The following RELN variants were observed in gnomAD, a reference collection of about 807,000 sequenced individuals.
RELN encodes the protein reelin.
RELN carries 108 observed loss-of-function variants against 427.6 expected under a neutral mutation model. The observed-to-expected ratio is 0.25, with a 90% confidence interval of 0.22 to 0.30. RELN has a LOEUF of 0.30. Among genes scored for constraint, RELN ranks in the 10% least tolerant of loss-of-function variants. The pLI, the probability that RELN is intolerant of heterozygous loss-of-function variation, is 1.00. For synonymous variants in RELN, 1,524 were observed against 1,513.4 expected (o/e 1.01, Z -0.16); for missense variants, 3,715 against 4,302.8 (o/e 0.86, Z 3.82).
At chr7:103,908,869 T>G (rs1001120797) in intron 2 of RELN, among the ~76,000 whole-genome samples, 1 of 140,778 alleles carries the variant, frequency 7.1e-6, no homozygotes, top group South Asian at 2.4e-4. Context: ...CTCTGCTCTT[T>G]GTACATTGGC....
At chr7:103,540,172 A>T (rs764518460) in intron 44 of RELN, 25 bp downstream of exon 44, 5 of 1,613,932 alleles carry the variant, frequency 3.1e-6, no homozygotes, top group East Asian at 2.2e-5. Context: ...CGACAATTAA[A>T]ATAGTTAATC....
chr7:103,642,131 T>A (rs1832706229), intron 16 of RELN, among the ~76,000 whole-genome samples: 1 of 152,244 alleles, frequency 6.6e-6, no homozygotes, highest in African/African-American at 2.4e-5. Flanking sequence ...TGAAAAAATT[T>A]TTAAAATGAC....
chr7:103,739,603 G>T (rs181937633), intron 6 of RELN, among the ~76,000 whole-genome samples: 1 of 152,336 alleles, frequency 6.6e-6, no homozygotes, highest in East Asian at 1.9e-4. Context: ...AGGGTAAAGT[G>T]CAGAAGCTTC....
rs748155144 is a variant in RELN at position 103,565,447 on chromosome 7, T to C, written c.5041A>G (p.Ser1681Gly). ...TTCAGAGAATACTGGAGCTGTACAC[T>C]GTGGGAGTTGCTGAAGGGCTTGCTA... ...GCSKPFSNSH[S>G]VQLQYSLNNG... Residue 1681 changes from serine (S) to glycine (G), a missense_variant, in exon 34 of 65, where the codon AGT becomes GGT. This residue lies in a region of RELN where 2,208 missense variants were observed against 2,361.7 expected (regional missense o/e 0.93). Transcript: ENST00000428762. The C allele has an allele frequency of 2.5e-6, 4 of 1,613,862 alleles. No individual in the cohort carries two copies. Among genetic ancestry groups the C allele is most frequent in the Admixed American group, 1.7e-5 (1 of 59,954 alleles).
At chr7:103,810,234 T>C (rs1038208804) in intron 3 of RELN, among the ~76,000 whole-genome samples, 6 of 152,152 alleles carry the variant, frequency 3.9e-5, no homozygotes, top group African/African-American at 1.4e-4. Context: ...CGTCTTCTGC[T>C]TTCATGCGTG....
At chr7:103,671,276 G>A (rs1040495973) in intron 11 of RELN, among the ~76,000 whole-genome samples, 3 of 152,094 alleles carry the variant, frequency 2.0e-5, no homozygotes, top group Admixed American at 2.0e-4. Flanking sequence ...TCAATTTGAA[G>A]CCTTCCCTGA....
intron 1 of RELN, among the ~76,000 whole-genome samples, chr7:103,980,059 G>T (rs10248644): frequency 0.17 from 25,573 of 151,686 alleles, 2,226 homozygotes; most frequent in Middle Eastern, 0.3. Flanking sequence ...TACTCAGGAG[G>T]CTGAGGCAGG....
intron 51 of RELN, among the ~76,000 whole-genome samples, chr7:103,507,142 G>A (rs531832395): frequency 5.3e-4 from 80 of 150,446 alleles, no homozygotes; most frequent in African/African-American, 1.8e-3. Context: ...AATTAACAAG[G>A]ATATCTAGGA....
At chr7:103,825,309 C>T (rs1347908615) in intron 3 of RELN, among the ~76,000 whole-genome samples, 1 of 151,964 alleles carries the variant, frequency 6.6e-6, no homozygotes, top group African/African-American at 2.4e-5. Flanking sequence ...ATGCCTTAGC[C>T]CAAGGCAGCC....
At chr7:103,605,085 C>G (rs1207482952) in intron 22 of RELN, among the ~76,000 whole-genome samples, 1 of 152,180 alleles carries the variant, frequency 6.6e-6, no homozygotes, top group Non-Finnish European at 1.5e-5. Context: ...CCGCCTTGGC[C>G]TCCCAAAGTG....
chr7:103,707,235 C>T (rs6947413), intron 8 of RELN, among the ~76,000 whole-genome samples: 2,934 of 151,974 alleles, frequency 0.019, 105 homozygotes, highest in African/African-American at 0.067. Context: ...CCTAACTGGG[C>T]GCTCAAAAGA....
chr7:103,753,112 G>T lies in RELN; in HGVS notation c.577+70C>A, dbSNP rs755474114. ...TTCCTTGCCTCTATAACATCTGCTC[G>T]TATAGCCAGAAAAGCCAAACAAGTA... On this transcript the variant is annotated intron_variant, in intron 5 of 64. Coordinates refer to ENST00000428762, the MANE Select transcript of RELN (RefSeq NM_005045.4). 14 of 1,481,340 alleles carry T rather than the reference G, an allele frequency of 9.5e-6. No homozygotes were observed. In the South Asian group the frequency reaches 1.2e-4, roughly 13 times the overall value. 91.8% of individuals were successfully genotyped at this position (1,481,340 alleles called of 1,614,324 possible).
At chr7:103,959,007 T>A (rs1429339117) in intron 1 of RELN, among the ~76,000 whole-genome samples, 1 of 152,234 alleles carries the variant, frequency 6.6e-6, no homozygotes, top group African/African-American at 2.4e-5. Flanking sequence ...AGTTGCATGA[T>A]CTCGTTTCAC....
chr7:103,899,995 A>G (rs1399669714), intron 2 of RELN, among the ~76,000 whole-genome samples: 1 of 152,192 alleles, frequency 6.6e-6, no homozygotes, highest in African/African-American at 2.4e-5. Flanking sequence ...TTAGGAAAAG[A>G]GGAAGTCAAA....
intron 5 of RELN, among the ~76,000 whole-genome samples, chr7:103,751,668 C>T (rs1385506858): frequency 6.6e-6 from 1 of 152,238 alleles, no homozygotes; most frequent in Non-Finnish European, 1.5e-5. Context: ...TGGGCCACTG[C>T]GGGTCACCAG....
chr7:103,775,210 T>C (rs1031826763), intron 4 of RELN, among the ~76,000 whole-genome samples: 2 of 152,186 alleles, frequency 1.3e-5, no homozygotes, highest in Admixed American at 6.5e-5. Flanking sequence ...TTTCATAGTC[T>C]GGAAGAAGAT....
intron 11 of RELN, among the ~76,000 whole-genome samples, chr7:103,675,788 A>G (rs1439997944): frequency 6.6e-6 from 1 of 152,248 alleles, no homozygotes; most frequent in African/African-American, 2.4e-5. Flanking sequence ...GAAATGGGGA[A>G]AAGATTCCCT....
intron 10 of RELN, among the ~76,000 whole-genome samples, chr7:103,682,924 T>C (rs977001019): frequency 6.6e-6 from 1 of 151,502 alleles, no homozygotes; most frequent in Non-Finnish European, 1.5e-5. Flanking sequence ...GTGATACTTT[T>C]TCTAAAGAAA....
chr7:103,723,291 G>A, intron 7 of RELN, 100 bp from the exon 8 acceptor site: 1 of 727,402 alleles, frequency 1.4e-6, no homozygotes, highest in South Asian at 1.5e-5. Context: ...TAAAAAAGAG[G>A]AGAGAGGAAA....
Sources: allele counts gnomAD v4.1 joint callset (sites outside exome capture counted in the v4.1 genomes callset), GRCh38; gene constraint gnomAD v4.1.1; regional missense constraint gnomAD v4.1.1; transcripts MANE v1.5; gene names NCBI Gene and HGNC (gene_info 2026-07-23, HGNC 2026-07-21).